Variants in SLC30A9 observed in about 807,000 individuals in gnomAD.
The protein encoded by SLC30A9 is solute carrier family 30 member 9, also known as proton-coupled zinc antiporter SLC30A9, mitochondrial.
In SLC30A9, 58 loss-of-function variants were observed where a neutral mutation model predicts 87.5. The observed-to-expected ratio is 0.66, with a 90% CI of 0.54 to 0.82. The LOEUF (loss-of-function observed/expected upper bound fraction) is 0.82, where lower values mean the gene tolerates loss of function less well. Among genes scored for constraint, SLC30A9 ranks in the 40% least tolerant of loss-of-function variants. The pLI is 0.00. For missense variants in SLC30A9, 557 were observed against 679.1 expected (o/e 0.82, Z 2.00); for synonymous variants, 234 against 233.0 (o/e 1.00, Z -0.04).
intron 11 of SLC30A9, among the ~76,000 whole-genome samples, chr4:42,064,820 G>A (rs1331358845): frequency 6.6e-6 from 1 of 151,942 alleles, no homozygotes; most frequent in Non-Finnish European, 1.5e-5. Flanking sequence ...GAAAGCCTAG[G>A]GTTCTAAACA....
intron 2 of SLC30A9, among the ~76,000 whole-genome samples, chr4:42,014,685 A>T (rs1286287266): frequency 6.6e-6 from 1 of 152,248 alleles, no homozygotes. Flanking sequence ...TGGATAAAGA[A>T]GATATGGTCT....
chr4:42,076,760 G>C (rs1458351179), intron 16 of SLC30A9, among the ~76,000 whole-genome samples: 1 of 151,414 alleles, frequency 6.6e-6, no homozygotes, highest in South Asian at 2.1e-4. Context: ...TCAAGAGATC[G>C]ATCCCATCCT....
chr4:42,021,351 T>C (rs956846014), intron 4 of SLC30A9, among the ~76,000 whole-genome samples: 4 of 152,192 alleles, frequency 2.6e-5, no homozygotes, highest in Non-Finnish European at 5.9e-5. Context: ...ATATATCTTT[T>C]GAAAGCTGAT....
chr4:42,028,242 C>T (rs1716272017), intron 6 of SLC30A9, among the ~76,000 whole-genome samples: 3 of 152,134 alleles, frequency 2.0e-5, no homozygotes, highest in South Asian at 2.1e-4. Flanking sequence ...CTCAGCCTCC[C>T]GAGTAGTTGG....
At chr4:42,065,800 G>A (rs944797074) in intron 12 of SLC30A9, among the ~76,000 whole-genome samples, 3 of 152,040 alleles carry the variant, frequency 2.0e-5, no homozygotes, top group Admixed American at 1.3e-4. Flanking sequence ...CACTACTATC[G>A]CTGTTACTTG....
chr4:41,999,553 T>C (rs1341809389), intron 1 of SLC30A9, among the ~76,000 whole-genome samples: 1 of 152,152 alleles, frequency 6.6e-6, no homozygotes, highest in Admixed American at 6.5e-5. Context: ...AGCCATTGAT[T>C]TATAGAACAT....
intron 2 of SLC30A9, among the ~76,000 whole-genome samples, chr4:42,006,584 T>G (rs2581445): frequency 0.65 from 98,385 of 151,546 alleles, 36,002 homozygotes; most frequent in East Asian, 0.96. Context: ...CTACTCAAGA[T>G]GTTGAGGTAG....
intron 17 of SLC30A9, among the ~76,000 whole-genome samples, chr4:42,085,696 T>C (rs961188189): frequency 6.6e-6 from 1 of 152,168 alleles, no homozygotes; most frequent in Non-Finnish European, 1.5e-5. Flanking sequence ...CAAGAATATA[T>C]GGATTGTTGC....
At chr4:42,006,511 ACT>A (rs1357104151) in intron 2 of SLC30A9, among the ~76,000 whole-genome samples, 1 of 151,946 alleles carries the variant, frequency 6.6e-6, no homozygotes, top group East Asian at 1.9e-4. Flanking sequence ...ACGTGGTGAA[ACT>A]CTGTCTCTAC....
rs541769810 is a variant in SLC30A9, at chr4:42,062,003, T to C, written c.897-983T>C. On this transcript the variant is annotated intron_variant, in intron 10 of 17. Coordinates refer to ENST00000264451, the MANE Select transcript of SLC30A9 (RefSeq NM_006345.4). Reference sequence around the variant, plus strand: ...TGAGGTTGAGAGTTCGAGACCAGCCTGACCAACGTGGAGAAGCCCCGTCTC... The same window carrying C: ...TGAGGTTGAGAGTTCGAGACCAGCCCGACCAACGTGGAGAAGCCCCGTCTC... Among the ~76,000 whole-genome samples, 38 of 152,158 alleles carry C rather than the reference T, an allele frequency of 2.5e-4. 1 individual carries two copies. In the South Asian group the frequency reaches 7.7e-3, roughly 31 times the overall value.
At chr4:42,013,288 T>A (rs995102527) in intron 2 of SLC30A9, among the ~76,000 whole-genome samples, 3 of 151,898 alleles carry the variant, frequency 2.0e-5, no homozygotes, top group African/African-American at 4.8e-5. Context: ...CCTAAAAAAA[T>A]AATAATAATA....
intron 14 of SLC30A9, among the ~76,000 whole-genome samples, chr4:42,069,483 A>G (rs577507986): frequency 5.3e-5 from 8 of 152,336 alleles, no homozygotes; most frequent in Admixed American, 4.6e-4. Flanking sequence ...GAGCTCTATA[A>G]TTACAAAACT....
chr4:42,050,226 A>G (rs1717330356), intron 9 of SLC30A9, among the ~76,000 whole-genome samples: 1 of 152,264 alleles, frequency 6.6e-6, no homozygotes, highest in Non-Finnish European at 1.5e-5. Flanking sequence ...ATGGATTAAA[A>G]CCCTTCATAA....
chr4:42,066,402 T>C, intron 12 of SLC30A9, 148 bp from the exon 13 acceptor site: 1 of 464,652 alleles, frequency 2.2e-6, no homozygotes, highest in South Asian at 3.9e-5. Flanking sequence ...AATGATTAAT[T>C]GATAACAACT....
At chr4:42,004,664 CTTTT>C (rs71198699) in intron 2 of SLC30A9, among the ~76,000 whole-genome samples, 1 of 128,324 alleles carries the variant, frequency 7.8e-6, no homozygotes, top group Non-Finnish European at 1.6e-5. Flanking sequence ...TTTTCTTTTT[CTTTT>C]TTTTTTTTTG....
intron 11 of SLC30A9, among the ~76,000 whole-genome samples, chr4:42,064,598 C>T (rs1718008532): frequency 2.0e-5 from 3 of 152,132 alleles, no homozygotes; most frequent in African/African-American, 7.2e-5. Flanking sequence ...ATTGTTCTAG[C>T]GTTCTTCTAA....
At chr4:42,064,109 A>G (rs553584317) in intron 11 of SLC30A9, among the ~76,000 whole-genome samples, 9 of 152,316 alleles carry the variant, frequency 5.9e-5, no homozygotes, top group South Asian at 2.1e-4. Flanking sequence ...GTGATATCCA[A>G]TATCCCGGGG....
chr4:42,079,824 G>A (rs931632057), intron 17 of SLC30A9, among the ~76,000 whole-genome samples: 4 of 151,788 alleles, frequency 2.6e-5, no homozygotes, highest in Admixed American at 2.0e-4. Flanking sequence ...CACTATGTTG[G>A]CCAGGCTGGT....
At chr4:42,066,135 T>C (rs1718067149) in intron 12 of SLC30A9, among the ~76,000 whole-genome samples, 1 of 152,322 alleles carries the variant, frequency 6.6e-6, no homozygotes, top group East Asian at 1.9e-4. Context: ...TTTCTATGTA[T>C]AATGTTCCCT....
Sources: gnomAD v4.1 joint callset for allele counts (sites outside exome capture counted in the v4.1 genomes callset) on GRCh38, gnomAD v4.1.1 for gene constraint, MANE v1.5 for transcripts, NCBI Gene and HGNC (gene_info 2026-07-23, HGNC 2026-07-21) for gene names.